The following TCF7L1 variants were observed in gnomAD, a reference collection of about 807,000 sequenced individuals.
The protein encoded by TCF7L1 is transcription factor 7 like 1.
In TCF7L1, 18 loss-of-function variants were observed where a neutral mutation model predicts 63.7. The observed-to-expected ratio is 0.28, with a 90% CI of 0.20 to 0.42. The LOEUF is 0.42. Among genes scored for constraint, TCF7L1 ranks in the 10% least tolerant of loss-of-function variants. The pLI, the probability that TCF7L1 is intolerant of heterozygous loss-of-function variation, is 1.00. For synonymous variants in TCF7L1, 355 were observed against 340.9 expected, an observed-to-expected ratio of 1.04 and a Z score of -0.46; for missense variants, 654 against 779.3, an observed-to-expected ratio of 0.84 and a Z score of 1.91.
intron 3 of TCF7L1, among the ~76,000 whole-genome samples, chr2:85,207,206 T>C (rs796873108): frequency 3.3e-5 from 5 of 152,364 alleles, no homozygotes; most frequent in East Asian, 1.9e-4. Flanking sequence ...AATACTTGCA[T>C]GTCACTGATG....
At chr2:85,150,465 C>T (rs1021574353) in intron 3 of TCF7L1, among the ~76,000 whole-genome samples, 12 of 152,160 alleles carry the variant, frequency 7.9e-5, no homozygotes, top group African/African-American at 2.7e-4. Flanking sequence ...ATCTCCTGAC[C>T]TCGTGATCCA....
At position 85,234,153 on chromosome 2, in the gene TCF7L1, T is replaced by TTTTTTTTTTTTC. The variant is rs1558641614; in HGVS notation, c.442-49342_442-49341insTTTTTTTTTTTC. ...TTTCTTTTTTTTTTTTTTTTTTTTTTCGAGATGGAGCCTCGCTCTTTCGCC... is the reference window on the plus strand; with the variant it reads ...TTTCTTTTTTTTTTTTTTTTTTTTTTTTTTTTTTTTTCCGAGATGGAGCCTCGCTCTTTCGCC... On this transcript the variant is annotated intron_variant, in intron 3 of 11. Coordinates refer to ENST00000282111, the MANE Select transcript of TCF7L1 (RefSeq NM_031283.3). 4.5e-5 allele frequency among the ~76,000 whole-genome samples: 6 copies of TTTTTTTTTTTTC among 134,330 alleles called. 1 individual carries two copies. In the East Asian group the frequency reaches 6.1e-4, roughly 14 times the overall value. The allele number at this position is 134,330 out of a possible 152,430, so 88.1% of individuals were successfully genotyped here. A position where few individuals can be genotyped will look rare whatever the true frequency, so the allele number is the denominator to read the frequency against.
At chr2:85,143,678 A>G (rs1490876281) in intron 3 of TCF7L1, among the ~76,000 whole-genome samples, 4 of 152,154 alleles carry the variant, frequency 2.6e-5, no homozygotes, top group African/African-American at 7.2e-5. Context: ...CATTCTACCC[A>G]TGTGATTTTA....
At chr2:85,187,694 C>T (rs1021056913) in intron 3 of TCF7L1, among the ~76,000 whole-genome samples, 2 of 152,196 alleles carry the variant, frequency 1.3e-5, no homozygotes, top group Non-Finnish European at 2.9e-5. Flanking sequence ...GTCTAGCCCT[C>T]TACCAAGACC....
At chr2:85,272,156 A>C (rs766706077) in intron 3 of TCF7L1, among the ~76,000 whole-genome samples, 5 of 152,200 alleles carry the variant, frequency 3.3e-5, no homozygotes, top group Non-Finnish European at 7.3e-5. Context: ...AATAGGGTTC[A>C]AAAAATGTCC....
intron 3 of TCF7L1, among the ~76,000 whole-genome samples, chr2:85,186,159 G>T (rs1678917833): frequency 6.6e-6 from 1 of 151,956 alleles, no homozygotes; most frequent in South Asian, 2.1e-4. Context: ...AGTAGAGACG[G>T]GGTTTCATCG....
chr2:85,177,039 G>C (rs1260771930), intron 3 of TCF7L1, among the ~76,000 whole-genome samples: 1 of 151,358 alleles, frequency 6.6e-6, no homozygotes, highest in East Asian at 1.9e-4. Flanking sequence ...AGGGTGAGTG[G>C]ACTATAAACT....
chr2:85,136,774 T>C (rs1309764007), intron 3 of TCF7L1, among the ~76,000 whole-genome samples: 1 of 152,210 alleles, frequency 6.6e-6, no homozygotes, highest in Middle Eastern at 3.2e-3. Flanking sequence ...CCCTGTTCGT[T>C]TGCTGCCAGT....
At chr2:85,206,307 C>T (rs1275174668) in intron 3 of TCF7L1, among the ~76,000 whole-genome samples, 2 of 152,226 alleles carry the variant, frequency 1.3e-5, no homozygotes, top group African/African-American at 4.8e-5. Flanking sequence ...AGACGCTCTG[C>T]AGTCACTCTG....
chr2:85,241,971 A>G (rs548104561), intron 3 of TCF7L1, among the ~76,000 whole-genome samples: 2 of 133,422 alleles, frequency 1.5e-5, no homozygotes, highest in African/African-American at 5.5e-5. Context: ...TATTCCTTTC[A>G]GGTTTCTCTT....
intron 3 of TCF7L1, among the ~76,000 whole-genome samples, chr2:85,250,657 G>A (rs753547165): frequency 3.0e-4 from 46 of 152,206 alleles, no homozygotes; most frequent in Non-Finnish European, 5.6e-4. Flanking sequence ...GGCTGGTCTC[G>A]AACTCCTGGC....
At chr2:85,268,007 G>T (rs887934290) in intron 3 of TCF7L1, among the ~76,000 whole-genome samples, 2 of 152,174 alleles carry the variant, frequency 1.3e-5, no homozygotes, top group African/African-American at 4.8e-5. Flanking sequence ...CAGCATCAAG[G>T]CCCCCAGCTA....
At chr2:85,283,757 C>T (rs560610730) in intron 4 of TCF7L1, among the ~76,000 whole-genome samples, 179 bp downstream of exon 4, 2 of 152,330 alleles carry the variant, frequency 1.3e-5, no homozygotes, top group African/African-American at 2.4e-5. Context: ...CCTCAACACA[C>T]ACACCACACC....
intron 3 of TCF7L1, among the ~76,000 whole-genome samples, chr2:85,168,051 G>A (rs1282436219): frequency 2.0e-5 from 3 of 151,676 alleles, no homozygotes; most frequent in African/African-American, 4.9e-5. Flanking sequence ...AGAGGGAAAT[G>A]TGTTGTTCGG....
At chr2:85,136,000 C>T (rs890284445) in intron 3 of TCF7L1, among the ~76,000 whole-genome samples, 5 of 152,056 alleles carry the variant, frequency 3.3e-5, no homozygotes, top group African/African-American at 1.2e-4. Flanking sequence ...AGTGCCCACA[C>T]ATGTAGCTTA....
intron 4 of TCF7L1, among the ~76,000 whole-genome samples, chr2:85,299,888 C>CACACACACACACACACACAT (rs1166355994): frequency 2.0e-5 from 3 of 151,406 alleles, no homozygotes; most frequent in South Asian, 2.1e-4. Context: ...CACACACACA[C>CACACACACACACACACACAT]ACACACACAC....
chr2:85,299,513 CT>C (rs371858832), intron 4 of TCF7L1, among the ~76,000 whole-genome samples: 1 of 150,926 alleles, frequency 6.6e-6, no homozygotes, highest in African/African-American at 2.4e-5. Flanking sequence ...GATCACACCA[CT>C]TGCACTCCAG....
chr2:85,290,729 G>A (rs1681691375), intron 4 of TCF7L1, among the ~76,000 whole-genome samples: 1 of 152,244 alleles, frequency 6.6e-6, no homozygotes, highest in Admixed American at 6.5e-5. Context: ...GAGTGTGAAT[G>A]TGTAGAGGGA....
intron 3 of TCF7L1, among the ~76,000 whole-genome samples, chr2:85,266,679 A>G (rs913968035): frequency 2.0e-5 from 3 of 152,276 alleles, no homozygotes; most frequent in Non-Finnish European, 4.4e-5. Flanking sequence ...GCTGTTGAGC[A>G]TGCTCTGCAT....
Sources: gnomAD v4.1 joint callset for allele counts (sites outside exome capture counted in the v4.1 genomes callset) on GRCh38, gnomAD v4.1.1 for gene constraint, MANE v1.5 for transcripts, NCBI Gene and HGNC (gene_info 2026-07-23, HGNC 2026-07-21) for gene names.